The following HOXC6 variants were observed in gnomAD, a reference collection of about 807,000 sequenced individuals.
HOXC6 encodes homeobox protein Hox-C6.
In HOXC6, 10 loss-of-function variants were observed where a neutral mutation model predicts 24.0. The observed-to-expected ratio is 0.42, with a 90% CI of 0.26 to 0.71. The LOEUF (loss-of-function observed/expected upper bound fraction) is 0.71. Among genes scored for constraint, HOXC6 ranks in the 30% least tolerant of loss-of-function variants. The pLI is 0.28. For synonymous variants in HOXC6, 123 were observed against 128.1 expected (o/e 0.96, Z 0.27); for missense variants, 258 against 303.4 (o/e 0.85, Z 1.11).
chr12:54,028,985 T>C (rs1940858802), intron 1 of HOXC6, 64 bp downstream of exon 1: 3 of 1,477,518 alleles, frequency 2.0e-6, no homozygotes, highest in Non-Finnish European at 2.7e-6. Context: ...CCGGCTTCCC[T>C]AGAAGAACGG....
chr12:54,028,338 A>T, upstream of HOXC6: 4 of 588,750 alleles, frequency 6.8e-6, no homozygotes, highest in Non-Finnish European at 1.2e-5. Flanking sequence ...CAACAGAAGC[A>T]GAAGCGATTT....
At chr12:54,026,233 G>A (rs1470958017), upstream of HOXC6, among the ~76,000 whole-genome samples, 2 of 152,122 alleles carry the variant, frequency 1.3e-5, no homozygotes, top group African/African-American at 2.4e-5. Context: ...GTGTCCAGGG[G>A]TGCACTGACT....
upstream of HOXC6, chr12:54,028,236 A>G (rs1290315718): frequency 6.3e-6 from 1 of 158,718 alleles, no homozygotes; most frequent in Non-Finnish European, 1.3e-5. Flanking sequence ...CCACCAAACC[A>G]GTTCCCTTAC....
chr12:54,029,790 G>T lies in HOXC6; in HGVS notation c.536G>T (p.Cys179Phe). ...RRRIEIANAL[C>F]LTERQIKIWF... ...CGCATCGAGATCGCCAACGCGCTTTGCCTGACCGAGCGACAGATCAAAATC... is the reference window on the plus strand; with the variant it reads ...CGCATCGAGATCGCCAACGCGCTTTTCCTGACCGAGCGACAGATCAAAATC... Residue 179 changes from cysteine to phenylalanine, a missense_variant, in exon 2 of 2, where the codon TGC (cysteine) becomes TTC (phenylalanine). Coordinates refer to ENST00000243108, the MANE Select transcript of HOXC6 (RefSeq NM_004503.4). 6.2e-7 allele frequency: 1 copy of T among 1,614,082 alleles called. No individual in the cohort carries two copies. Among genetic ancestry groups the T allele is most frequent in the Non-Finnish European group, 8.5e-7 (1 of 1,180,028 alleles).
In HOXC6 at chr12:54,029,651, T is replaced by G. The variant is rs759457160; in HGVS notation, c.401-4T>G. ...TTTAGTGTGTTTTGTGCCCGGATCTTTAGGGGTCGGCTACGGAGCGGACCG... is the reference window on the plus strand; with the variant it reads ...TTTAGTGTGTTTTGTGCCCGGATCTGTAGGGGTCGGCTACGGAGCGGACCG... On this transcript the variant is annotated splice_polypyrimidine_tract_variant and splice_region_variant and intron_variant, in intron 1 of 1. Coordinates refer to ENST00000243108, the MANE Select transcript of HOXC6 (RefSeq NM_004503.4). 1.1e-5 allele frequency: 17 copies of G among 1,610,468 alleles called. No individual in the cohort carries two copies. Among genetic ancestry groups the G allele is most frequent in the Non-Finnish European group, 1.3e-5 (15 of 1,177,378 alleles).
In HOXC6 at chr12:54,029,704, G is replaced by T; in HGVS notation, c.450G>T (p.Arg150=). 6.2e-7 allele frequency: 1 copy of T among 1,614,214 alleles called. No individual in the cohort carries two copies. Among genetic ancestry groups the T allele is most frequent in the Non-Finnish European group, 8.5e-7 (1 of 1,180,034 alleles). ...DRRRGRQIYS[R]YQTLELEKEF... is the part of the protein sequence containing the mutation. ...GGCGCGGCCGCCAGATCTACTCGCG[G>T]TACCAGACCCTGGAACTGGAGAAGG... is the stretch of plus-strand genomic sequence containing the variant. The change falls in exon 2 of 2, where the codon CGG becomes CGT. Residue 150 remains arginine, a synonymous_variant. Coordinates refer to ENST00000243108, the MANE Select transcript of HOXC6 (RefSeq NM_004503.4).
At chr12:54,018,938 C>T (rs1196005518) in intron 1 of HOXC6, among the ~76,000 whole-genome samples, 2 of 152,088 alleles carry the variant, frequency 1.3e-5, no homozygotes, top group Admixed American at 6.5e-5. Flanking sequence ...CCTGACCCGT[C>T]GCCTGTGGGG....
At chr12:54,018,744 C>A (rs1172729497) in intron 1 of HOXC6, among the ~76,000 whole-genome samples, 1 of 152,220 alleles carries the variant, frequency 6.6e-6, no homozygotes, top group Non-Finnish European at 1.5e-5. Context: ...CACACCCAGG[C>A]AGACACACCC....
At chr12:54,022,640 A>G (rs1940502258) in intron 1 of HOXC6, 1 of 152,106 alleles carries the variant, frequency 6.6e-6, no homozygotes, top group South Asian at 2.1e-4. Context: ...CCAGAACATA[A>G]CAACATTTTA....
rs796821332 is a variant in HOXC6, at chr12:54,030,635, C to T, written c.*673C>T. 26 of 152,176 alleles carry T rather than the reference C, an allele frequency of 1.7e-4. No homozygotes were observed. Among genetic ancestry groups the T allele is most frequent in the Middle Eastern group, 3.4e-3 (1 of 292 alleles). The allele number at this position is 152,176 out of a possible 1,614,324, so 9.4% of individuals were successfully genotyped here. ...GTTTAGCACCGTCAGTGTTCCTATC[C>T]AATTTCAAAAAAGGAAAAAAAAGAG... On this transcript the variant is annotated 3_prime_UTR_variant, in exon 2 of 2. Transcript: ENST00000243108.
upstream of HOXC6, among the ~76,000 whole-genome samples, chr12:54,026,444 A>T (rs1317262712): frequency 6.6e-6 from 1 of 152,260 alleles, no homozygotes; most frequent in Non-Finnish European, 1.5e-5. Flanking sequence ...CACCCCAAAA[A>T]TGAGATAACT....
chr12:54,017,566 G>C (rs551029934), intron 1 of HOXC6, among the ~76,000 whole-genome samples: 90 of 151,990 alleles, frequency 5.9e-4, no homozygotes, highest in African/African-American at 2.1e-3. Flanking sequence ...TTGGCGGGGG[G>C]AGAGAAACGG....
chr12:54,017,977 C>G (rs545349272), intron 1 of HOXC6, among the ~76,000 whole-genome samples: 5 of 152,304 alleles, frequency 3.3e-5, no homozygotes, highest in Non-Finnish European at 5.9e-5. Context: ...GCCGGGCCGC[C>G]GAGCAGGAAG....
intron 1 of HOXC6, among the ~76,000 whole-genome samples, chr12:54,023,207 T>A (rs2136424379): frequency 6.6e-6 from 1 of 152,208 alleles, no homozygotes; most frequent in South Asian, 2.1e-4. Context: ...AAGCCAGAAA[T>A]GATTTTTTCC....
At chr12:54,029,400 C>A in intron 1 of HOXC6, among the ~76,000 whole-genome samples, 1 of 74,442 alleles carries the variant, frequency 1.3e-5, no homozygotes, top group African/African-American at 6.6e-5. Flanking sequence ...TGCCTTTTGC[C>A]CCGCCCCCCC....
chr12:54,018,049 T>C (rs1397363321), intron 1 of HOXC6, among the ~76,000 whole-genome samples: 1 of 151,856 alleles, frequency 6.6e-6, no homozygotes, highest in Admixed American at 6.5e-5. Flanking sequence ...GGCTGGTGGC[T>C]GGTGCGCGTC....
chr12:54,024,137 A>G (rs78054138), upstream of HOXC6, among the ~76,000 whole-genome samples: 1,142 of 152,316 alleles, frequency 7.5e-3, 11 homozygotes, highest in African/African-American at 0.026. Context: ...CAATTACTGA[A>G]ACTCGGCTTT....
Position 54,029,713 on chromosome 12 carries a change from C to A in HOXC6, c.459C>A (p.Thr153=). ...RGRQIYSRYQ[T]LELEKEFHFN... ...GCCAGATCTACTCGCGGTACCAGAC[C>A]CTGGAACTGGAGAAGGAATTTCACT... The change falls in exon 2 of 2, where the codon ACC becomes ACA. Residue 153 remains threonine (T), a synonymous_variant. Coordinates refer to ENST00000243108, the MANE Select transcript of HOXC6 (RefSeq NM_004503.4). 2 of 1,614,184 alleles carry A rather than the reference C, an allele frequency of 1.2e-6. No homozygotes were observed. Among genetic ancestry groups the A allele is most frequent in the Non-Finnish European group, 1.7e-6 (2 of 1,180,032 alleles).
rs1940935477 is a variant in HOXC6 at position 54,030,320 on chromosome 12, C to T, written c.*358C>T. 1 of 161,384 alleles carries T rather than the reference C, an allele frequency of 6.2e-6. No individual in the cohort carries two copies. Among genetic ancestry groups the T allele is most frequent in the Non-Finnish European group, 1.3e-5 (1 of 74,306 alleles). The allele number at this position is 161,384 out of a possible 1,614,324, so 10.0% of individuals were successfully genotyped here. A position where few individuals can be genotyped will look rare whatever the true frequency, so the allele number is the denominator to read the frequency against. ...CTCCTTCGACGCCCCCACCCCCGCC[C>T]CCCGTGCAGAGAGCCGGCTCCTGGG... On this transcript the variant is annotated 3_prime_UTR_variant, in exon 2 of 2. Transcript: ENST00000243108.
Sources: gnomAD v4.1 joint callset for allele counts (sites outside exome capture counted in the v4.1 genomes callset) on GRCh38, gnomAD v4.1.1 for gene constraint, MANE v1.5 for transcripts, NCBI Gene and HGNC (gene_info 2026-07-23, HGNC 2026-07-21) for gene names.